FBXW7: variants seen among roughly 807,000 people sequenced by gnomAD.
FBXW7 encodes F-box/WD repeat-containing protein 7.
FBXW7 carries 11 observed loss-of-function variants against 86.3 expected under a neutral mutation model. The ratio of observed to expected loss-of-function variants is 0.13; its 90% confidence interval spans 0.08 to 0.21. The LOEUF (loss-of-function observed/expected upper bound fraction) is 0.21. Ranked by LOEUF, FBXW7 falls within the 10% of genes least tolerant of loss-of-function variation. FBXW7 has a pLI of 1.00. For missense variants in FBXW7, 488 were observed against 847.4 expected, an observed-to-expected ratio of 0.58 and a Z score of 5.27; for synonymous variants, 313 against 297.9, an observed-to-expected ratio of 1.05 and a Z score of -0.52.
At chr4:152,344,507 T>C (rs1229439566) in intron 6 of FBXW7, among the ~76,000 whole-genome samples, 1 of 152,034 alleles carries the variant, frequency 6.6e-6, no homozygotes, top group Non-Finnish European at 1.5e-5. Context: ...AAAGCTATTC[T>C]AACATTCTTT....
chr4:152,416,507 T>C (rs1738443121), intron 2 of FBXW7, among the ~76,000 whole-genome samples: 1 of 152,196 alleles, frequency 6.6e-6, no homozygotes, highest in African/African-American at 2.4e-5. Context: ...AAAACAATTA[T>C]TTTTTGAGTA....
At chr4:152,388,041 T>A (rs1735691823) in intron 4 of FBXW7, among the ~76,000 whole-genome samples, 1 of 152,034 alleles carries the variant, frequency 6.6e-6, no homozygotes, top group Admixed American at 6.6e-5. Context: ...ATTTTTTTTT[T>A]AAGCTTTAGT....
At chr4:152,373,432 C>CT (rs1240299542) in intron 4 of FBXW7, among the ~76,000 whole-genome samples, 2 of 151,952 alleles carry the variant, frequency 1.3e-5, no homozygotes, top group Admixed American at 6.6e-5. Context: ...AGGGCATGGC[C>CT]TTTGTCTATC....
chr4:152,377,176 C>A (rs1432692436), intron 4 of FBXW7, among the ~76,000 whole-genome samples: 1 of 152,132 alleles, frequency 6.6e-6, no homozygotes, highest in East Asian at 1.9e-4. Flanking sequence ...CCAGTACCTG[C>A]AGCATTAGAG....
intron 2 of FBXW7, chr4:152,530,279 A>C (rs1393811105): frequency 6.6e-6 from 1 of 152,172 alleles, no homozygotes; most frequent in African/African-American, 2.4e-5. Flanking sequence ...CCACTGCAAG[A>C]GATTAAGACT....
At chr4:152,350,755 A>G (rs969214464) in intron 4 of FBXW7, among the ~76,000 whole-genome samples, 1 of 151,868 alleles carries the variant, frequency 6.6e-6, no homozygotes. Flanking sequence ...GAAAGTTGTC[A>G]ATTGATATAT....
At chr4:152,447,716 C>T (rs972893942) in intron 2 of FBXW7, among the ~76,000 whole-genome samples, 2 of 152,092 alleles carry the variant, frequency 1.3e-5, no homozygotes, top group Non-Finnish European at 2.9e-5. Flanking sequence ...CTAAATGGTG[C>T]CTTACCCATG....
chr4:152,393,544 T>G (rs1294123869), intron 4 of FBXW7, among the ~76,000 whole-genome samples: 1 of 152,102 alleles, frequency 6.6e-6, no homozygotes, highest in Admixed American at 6.6e-5. Context: ...TTTTCACTCA[T>G]TAAACCCTAA....
At chr4:152,396,259 A>C (rs922966561) in intron 4 of FBXW7, among the ~76,000 whole-genome samples, 2 of 151,994 alleles carry the variant, frequency 1.3e-5, no homozygotes, top group Non-Finnish European at 2.9e-5. Flanking sequence ...CTTACCCTTT[A>C]TAAAATAATA....
intron 4 of FBXW7, among the ~76,000 whole-genome samples, chr4:152,366,794 A>G (rs943418043): frequency 2.0e-5 from 3 of 152,232 alleles, no homozygotes; most frequent in African/African-American, 7.2e-5. Context: ...CCAAAGGATT[A>G]TAAATCATGC....
chr4:152,436,854 C>A (rs1352856041), intron 2 of FBXW7, among the ~76,000 whole-genome samples: 1 of 152,166 alleles, frequency 6.6e-6, no homozygotes, highest in Non-Finnish European at 1.5e-5. Flanking sequence ...ACTGTTGAGA[C>A]CTACTGCTCA....
chr4:152,530,381 G>A (rs899318653), intron 2 of FBXW7: 4 of 152,104 alleles, frequency 2.6e-5, no homozygotes, highest in Admixed American at 1.3e-4. Context: ...TACACACGAA[G>A]TAAATGCTTT....
chr4:152,351,782 T>A (rs1731841300), intron 4 of FBXW7, among the ~76,000 whole-genome samples: 1 of 152,108 alleles, frequency 6.6e-6, no homozygotes, highest in African/African-American at 2.4e-5. Flanking sequence ...GGATACCTTG[T>A]AAAAAACATT....
intron 2 of FBXW7, among the ~76,000 whole-genome samples, chr4:152,522,356 A>C (rs979363532): frequency 6.6e-6 from 1 of 152,328 alleles, no homozygotes; most frequent in African/African-American, 2.4e-5. Context: ...TTTCCCTGTA[A>C]CCTTAAAAAG....
intron 7 of FBXW7, among the ~76,000 whole-genome samples, chr4:152,335,510 A>T (rs1729988746): frequency 6.6e-6 from 1 of 152,198 alleles, no homozygotes; most frequent in South Asian, 2.1e-4. Flanking sequence ...CTTACAGCCA[A>T]GTCAAATGGT....
chr4:152,498,618 G>A (rs907485539), intron 2 of FBXW7, among the ~76,000 whole-genome samples: 6 of 152,052 alleles, frequency 3.9e-5, no homozygotes, highest in Admixed American at 6.6e-5. Context: ...CATTTAGTGC[G>A]GAAGCTAAGA....
chr4:152,529,671 A>T (rs1749832639), intron 2 of FBXW7, among the ~76,000 whole-genome samples: 1 of 152,248 alleles, frequency 6.6e-6, no homozygotes, highest in Admixed American at 6.5e-5. Flanking sequence ...CACTCTTAAA[A>T]ATATAGCAAT....
chr4:152,428,089 A>G (rs1254690505), intron 2 of FBXW7, among the ~76,000 whole-genome samples: 1 of 152,190 alleles, frequency 6.6e-6, no homozygotes, highest in East Asian at 1.9e-4. Flanking sequence ...GGTTTGGAAG[A>G]TAATTATTCT....
chr4:152,324,245 A>G lies in FBXW7; in HGVS notation c.1794T>C (p.Asn598=). 2 of 1,613,054 alleles carry G rather than the reference A, an allele frequency of 1.2e-6. No homozygotes were observed. The highest frequency in any genetic ancestry group is 1.7e-6 in the Non-Finnish European group (2 of 1,179,502). Residue 598 remains asparagine, a synonymous_variant, in exon 13 of 14, where the codon AAT becomes AAC. Coordinates refer to ENST00000281708, the MANE Select transcript of FBXW7 (RefSeq NM_001349798.2). ...ELKDNILVSG[N]ADSTVKIWDI... ...CCCAGATTTTAACTGTAGAATCTGC[A>G]TTCCCAGAGACAAGAATATTGTCTT...
Sources: allele counts gnomAD v4.1 joint callset (sites outside exome capture counted in the v4.1 genomes callset), GRCh38; gene constraint gnomAD v4.1.1; transcripts MANE v1.5; gene names NCBI Gene and HGNC (gene_info 2026-07-23, HGNC 2026-07-21).